The following FILIP1 variants were observed in gnomAD, a reference collection of about 807,000 sequenced individuals.
The protein encoded by FILIP1 is filamin-A-interacting protein 1.
Under a neutral mutation model 102.1 loss-of-function variants are expected in FILIP1, and 61 were observed. The observed-to-expected ratio is 0.60, with a 90% CI of 0.49 to 0.74. The LOEUF (loss-of-function observed/expected upper bound fraction) is 0.74. Among genes scored for constraint, FILIP1 ranks in the 30% least tolerant of loss-of-function variants. The pLI is 0.00. For synonymous variants in FILIP1, 491 were observed against 526.9 expected (o/e 0.93, Z 0.93); for missense variants, 1,314 against 1,441.2 (o/e 0.91, Z 1.43).
chr6:75,374,886 T>C (rs1775702527), intron 2 of FILIP1, among the ~76,000 whole-genome samples: 1 of 152,242 alleles, frequency 6.6e-6, no homozygotes, highest in African/African-American at 2.4e-5. Context: ...CTTAATTTCC[T>C]GTGATTGCCT....
At chr6:75,462,342 GTCT>G (rs1238391631) in intron 1 of FILIP1, among the ~76,000 whole-genome samples, 7 of 152,064 alleles carry the variant, frequency 4.6e-5, no homozygotes, top group Admixed American at 3.9e-4. Flanking sequence ...TGACCCCTTT[GTCT>G]TCTGGATTGT....
intron 2 of FILIP1, among the ~76,000 whole-genome samples, chr6:75,368,121 C>T (rs1038704118): frequency 3.3e-5 from 5 of 152,214 alleles, no homozygotes; most frequent in African/African-American, 1.2e-4. Flanking sequence ...TTCCATCAGA[C>T]ATAGTTCTTT....
rs201329660 is a variant in FILIP1 at position 75,405,718 on chromosome 6, AG to A, written c.276+8978del. On this transcript the variant is annotated intron_variant, in intron 2 of 5. Coordinates refer to ENST00000237172, the MANE Select transcript of FILIP1 (RefSeq NM_015687.5). Reference sequence around the variant, plus strand: ...TGTCGTTCCCCTATTGGCTAGGGTTAGACTGCACAGGCTAAACTAATTCTGA... The same window carrying A: ...TGTCGTTCCCCTATTGGCTAGGGTTAACTGCACAGGCTAAACTAATTCTGA... 4.2e-3 allele frequency among the ~76,000 whole-genome samples: 644 copies of A among 152,286 alleles called. 4 individuals carry two copies. Among genetic ancestry groups the A allele is most frequent in the African/African-American group, 0.015 (614 of 41,542 alleles).
At chr6:75,358,369 A>T (rs1775070356) in intron 3 of FILIP1, 1 of 152,166 alleles carries the variant, frequency 6.6e-6, no homozygotes, top group Non-Finnish European at 1.5e-5. Flanking sequence ...ATTAAAATGG[A>T]AGGTATTTCA....
intron 1 of FILIP1, among the ~76,000 whole-genome samples, chr6:75,460,663 T>C (rs1287782866): frequency 6.6e-6 from 1 of 152,222 alleles, no homozygotes; most frequent in African/African-American, 2.4e-5. Flanking sequence ...GTTCCCCTTT[T>C]GGAAATGGTA....
chr6:75,414,885 T>C lies in FILIP1; in HGVS notation c.88A>G (p.Lys30Glu), dbSNP rs1335220006. 1 of 1,613,968 alleles carries C rather than the reference T, an allele frequency of 6.2e-7. No homozygotes were observed. The highest frequency in any genetic ancestry group is 1.7e-5 in the Admixed American group (1 of 59,990). Residue 30 changes from lysine to glutamate, a missense_variant, in exon 2 of 6, where the codon AAA (lysine) becomes GAA (glutamate). Around this residue, in one of 3 missense-constraint regions of FILIP1, gnomAD observed 494 missense variants for 511.2 expected, o/e 0.97. Coordinates refer to ENST00000237172, the MANE Select transcript of FILIP1 (RefSeq NM_015687.5). Reference sequence around the variant, plus strand: ...TTTTTTGCATCTTCTGAGAGACTTTTTTCACCAGCATTGCCGATGATGGAG... The same window carrying C: ...TTTTTTGCATCTTCTGAGAGACTTTCTTCACCAGCATTGCCGATGATGGAG... ...KPSIIGNAGE[K>E]SLSEDAKKKK...
intron 3 of FILIP1, chr6:75,360,823 C>T (rs2149610612): frequency 6.6e-6 from 1 of 152,270 alleles, no homozygotes; most frequent in South Asian, 2.1e-4. Context: ...GAAACAAGAG[C>T]TAGACTACCT....
intron 1 of FILIP1, among the ~76,000 whole-genome samples, chr6:75,491,998 A>T (rs1779973329): frequency 6.6e-6 from 1 of 152,224 alleles, no homozygotes; most frequent in South Asian, 2.1e-4. Context: ...AAAAATGTAA[A>T]GCATTTAGTT....
intron 3 of FILIP1, chr6:75,362,125 AT>A (rs1218830423): frequency 6.6e-6 from 1 of 152,256 alleles, no homozygotes; most frequent in Non-Finnish European, 1.5e-5. Flanking sequence ...AAAAACTGGT[AT>A]CGCAATCTGG....
At position 75,318,822 on chromosome 6, in the gene FILIP1, G is replaced by T. The variant is rs185355631; in HGVS notation, c.630-3620C>A. Among the ~76,000 whole-genome samples, 10 of 151,856 alleles carry T rather than the reference G, an allele frequency of 6.6e-5. No homozygotes were observed. The East Asian group carries it at 1.9e-3, about 30-fold the overall frequency. ...CAACCTCCATACTGTCCCAGGCAAG[G>T]TTACTGGCTATTGAAAATACTACCA... On this transcript the variant is annotated intron_variant, in intron 4 of 5. Coordinates refer to ENST00000237172, the MANE Select transcript of FILIP1 (RefSeq NM_015687.5).
intron 4 of FILIP1, among the ~76,000 whole-genome samples, chr6:75,318,231 T>C (rs931647121): frequency 7.0e-6 from 1 of 142,440 alleles, no homozygotes; most frequent in African/African-American, 2.7e-5. Flanking sequence ...ATACAGTCTT[T>C]TTTTTTTTTT....
At chr6:75,408,440 C>A (rs1376233527) in intron 2 of FILIP1, among the ~76,000 whole-genome samples, 2 of 152,194 alleles carry the variant, frequency 1.3e-5, no homozygotes, top group African/African-American at 4.8e-5. Context: ...GATACCTGGA[C>A]TGGCAAACAA....
intron 1 of FILIP1, among the ~76,000 whole-genome samples, chr6:75,422,905 T>G (rs112081332): frequency 3.3e-5 from 5 of 152,298 alleles, no homozygotes; most frequent in African/African-American, 1.2e-4. Context: ...GAAATGATGT[T>G]ACAAAAAGCA....
intron 4 of FILIP1, chr6:75,319,754 CGG>C (rs1562452723): frequency 3.3e-6 from 1 of 304,086 alleles, no homozygotes; most frequent in East Asian, 8.3e-5. Flanking sequence ...TGTGTGAACC[CGG>C]GGGGCGGAGC....
chr6:75,336,895 A>C (rs1251434872), intron 4 of FILIP1, among the ~76,000 whole-genome samples: 1 of 152,168 alleles, frequency 6.6e-6, no homozygotes, highest in Non-Finnish European at 1.5e-5. Context: ...GCCTCTTGGA[A>C]GCCAGAGATG....
intron 1 of FILIP1, among the ~76,000 whole-genome samples, chr6:75,488,745 C>T (rs1779867493): frequency 6.6e-6 from 1 of 152,118 alleles, no homozygotes; most frequent in East Asian, 1.9e-4. Flanking sequence ...TTTGTTGCCA[C>T]TAAAGCTGCT....
exon 7 of FILIP1, chr6:75,295,739 A>G (rs980810907): frequency 2.5e-6 from 1 of 404,772 alleles, no homozygotes; most frequent in Non-Finnish European, 4.3e-6. Context: ...ATTATCAGCA[A>G]GGCCATTTTC....
intron 1 of FILIP1, among the ~76,000 whole-genome samples, chr6:75,451,576 A>G (rs1778633049): frequency 6.6e-6 from 1 of 151,614 alleles, no homozygotes; most frequent in Non-Finnish European, 1.5e-5. Flanking sequence ...CCGGCCTGTT[A>G]TCCCAGCATT....
intron 2 of FILIP1, chr6:75,367,303 C>T (rs1333632671): frequency 6.6e-6 from 1 of 152,150 alleles, no homozygotes; most frequent in Admixed American, 6.5e-5. Context: ...ACACTATTCA[C>T]TATAAACTTA....
Sources: gnomAD v4.1 joint callset for allele counts (sites outside exome capture counted in the v4.1 genomes callset) on GRCh38, gnomAD v4.1.1 for gene constraint, gnomAD v4.1.1 regional missense constraint, MANE v1.5 for transcripts, NCBI Gene and HGNC (gene_info 2026-07-23, HGNC 2026-07-21) for gene names.